The following GALNT17 variants were observed in gnomAD, a reference collection of about 807,000 sequenced individuals.
The protein encoded by GALNT17 is UDP-GalNAc:polypeptide N-acetylgalactosaminyltransferase-like 3.
In GALNT17, 29 loss-of-function variants were observed where a neutral mutation model predicts 63.7. The observed-to-expected ratio is 0.46, with a 90% CI of 0.34 to 0.62. The LOEUF is 0.62. Among genes scored for constraint, GALNT17 ranks in the 20% least tolerant of loss-of-function variants. The pLI is 0.01. For missense variants in GALNT17, 603 were observed against 799.6 expected, an observed-to-expected ratio of 0.75 and a Z score of 2.97; for synonymous variants, 305 against 318.3, an observed-to-expected ratio of 0.96 and a Z score of 0.45.
intron 9 of GALNT17, among the ~76,000 whole-genome samples, chr7:71,689,404 G>T (rs1159459882): frequency 6.6e-6 from 1 of 152,180 alleles, no homozygotes; most frequent in Admixed American, 6.5e-5. Context: ...TGCTAAGAAA[G>T]CAAAACAGCC....
intron 9 of GALNT17, 32 bp downstream of exon 9, chr7:71,677,338 A>G (rs1215061020): frequency 6.3e-6 from 10 of 1,599,848 alleles, no homozygotes; most frequent in Middle Eastern, 1.7e-4. Context: ...GGAAGGAAGT[A>G]ATATCACCAT....
At chr7:71,621,553 A>AGATGGATG (rs71089967) in intron 6 of GALNT17, among the ~76,000 whole-genome samples, 26,297 of 142,830 alleles carry the variant, frequency 0.18, 3,067 homozygotes, top group East Asian at 0.32. Context: ...ATTGATGGAT[A>AGATGGATG]GATGGATGGA....
chr7:71,233,149 C>T (rs1331760215), intron 1 of GALNT17, among the ~76,000 whole-genome samples: 3 of 152,196 alleles, frequency 2.0e-5, no homozygotes, highest in African/African-American at 7.2e-5. Flanking sequence ...TGGTGGCTCT[C>T]TGCCCCACAC....
At chr7:71,328,100 G>T (rs942619928) in intron 1 of GALNT17, among the ~76,000 whole-genome samples, 1 of 152,150 alleles carries the variant, frequency 6.6e-6, no homozygotes, top group Non-Finnish European at 1.5e-5. Context: ...AAGCATGAAG[G>T]ATATTTGATA....
intron 3 of GALNT17, among the ~76,000 whole-genome samples, chr7:71,404,338 G>A (rs775634265): frequency 3.9e-5 from 6 of 151,984 alleles, no homozygotes; most frequent in Non-Finnish European, 7.4e-5. Context: ...TTTTCTTTTC[G>A]TCTTTTGCTT....
At chr7:71,486,881 A>G (rs962996017) in intron 5 of GALNT17, among the ~76,000 whole-genome samples, 2 of 151,938 alleles carry the variant, frequency 1.3e-5, no homozygotes, top group African/African-American at 4.8e-5. Flanking sequence ...AAACAAAAAA[A>G]AACGCACTTC....
chr7:71,421,744 G>A (rs941274536), intron 5 of GALNT17, among the ~76,000 whole-genome samples: 1 of 152,190 alleles, frequency 6.6e-6, no homozygotes, highest in African/African-American at 2.4e-5. Context: ...GAAGTCAGGA[G>A]TTCGAGATCA....
chr7:71,278,671 C>T lies in GALNT17; in HGVS notation c.239-56879C>T, dbSNP rs1432953327. On this transcript the variant is annotated intron_variant, in intron 1 of 10. Transcript: ENST00000333538. ...GGGGAAGCAAACACATCCTTCTTCACGTGGTGGCAGGAAGGAGAAGTGCTG... is the reference window on the plus strand; with the variant it reads ...GGGGAAGCAAACACATCCTTCTTCATGTGGTGGCAGGAAGGAGAAGTGCTG... Among the ~76,000 whole-genome samples, 4 of 152,080 alleles carry T rather than the reference C, an allele frequency of 2.6e-5. No homozygotes were observed. The East Asian group carries it at 7.7e-4, about 29-fold the overall frequency.
At chr7:71,541,237 T>A (rs1455562588) in intron 5 of GALNT17, among the ~76,000 whole-genome samples, 2 of 61,272 alleles carry the variant, frequency 3.3e-5, no homozygotes, top group Non-Finnish European at 7.0e-5. Flanking sequence ...AGCGAGACAC[T>A]GTCTCAAAAA....
chr7:71,582,587 G>GA (rs939810693), intron 6 of GALNT17, among the ~76,000 whole-genome samples: 88 of 150,884 alleles, frequency 5.8e-4, no homozygotes, highest in South Asian at 1.9e-3. Context: ...CTCAAAAAAA[G>GA]AAAAAAAAGA....
chr7:71,366,332 C>G (rs994388021), intron 2 of GALNT17, among the ~76,000 whole-genome samples: 1 of 152,174 alleles, frequency 6.6e-6, no homozygotes, highest in African/African-American at 2.4e-5. Context: ...ACACCTGTAC[C>G]AGCACTTTGG....
chr7:71,710,891 T>G lies in GALNT17; in HGVS notation c.1631T>G (p.Val544Gly). 1 of 1,613,842 alleles carries G rather than the reference T, an allele frequency of 6.2e-7. No individual in the cohort carries two copies. Among genetic ancestry groups the G allele is most frequent in the Non-Finnish European group, 8.5e-7 (1 of 1,180,000 alleles). The stretch of plus-strand genomic sequence containing the variant: ...CCCCAGCTCCTGGACTGCGACAAGG[T>G]CAAGAGCAGCCTGTACAAGCGCTGG... ...RLPQLLDCDKVKSSLYKRWNF... is the reference protein window; with the variant it reads ...RLPQLLDCDKGKSSLYKRWNF... The change falls in exon 10 of 11, where the codon GTC (valine) becomes GGC (glycine). Residue 544 changes from valine (V) to glycine (G), a missense_variant. Around this residue, in one of 3 missense-constraint regions of GALNT17, gnomAD observed 72 missense variants for 76.9 expected, o/e 0.94. Coordinates refer to ENST00000333538, the MANE Select transcript of GALNT17 (RefSeq NM_022479.3).
chr7:71,526,755 C>G (rs1788631597), intron 5 of GALNT17, among the ~76,000 whole-genome samples: 1 of 152,062 alleles, frequency 6.6e-6, no homozygotes, highest in South Asian at 2.1e-4. Flanking sequence ...CCTGTGTGAT[C>G]CACCTGCCTT....
chr7:71,291,985 GTT>G (rs1790987622), intron 1 of GALNT17, among the ~76,000 whole-genome samples: 1 of 151,948 alleles, frequency 6.6e-6, no homozygotes, highest in African/African-American at 2.4e-5. Context: ...ATTTTTCATG[GTT>G]TAATAATAAA....
chr7:71,488,323 G>T (rs1183476349), intron 5 of GALNT17, among the ~76,000 whole-genome samples: 1 of 152,106 alleles, frequency 6.6e-6, no homozygotes, highest in African/African-American at 2.4e-5. Flanking sequence ...AGAGAGCAAG[G>T]CCCAGCATCC....
At chr7:71,680,519 TCTCC>T (rs1562734198) in intron 9 of GALNT17, among the ~76,000 whole-genome samples, 6 of 25,212 alleles carry the variant, frequency 2.4e-4, no homozygotes, top group Non-Finnish European at 3.9e-4. Context: ...TCCCTCCCTC[TCTCC>T]CTTCCTCCCT....
chr7:71,238,375 A>T (rs1281242253), intron 1 of GALNT17, among the ~76,000 whole-genome samples: 1 of 152,136 alleles, frequency 6.6e-6, no homozygotes, highest in Non-Finnish European at 1.5e-5. Flanking sequence ...TTATTTATTT[A>T]GAGAGACATG....
intron 5 of GALNT17, among the ~76,000 whole-genome samples, chr7:71,566,387 C>T (rs1421175319): frequency 6.6e-6 from 1 of 152,160 alleles, no homozygotes; most frequent in Non-Finnish European, 1.5e-5. Context: ...GTCTTCACTA[C>T]ACACTCTTGT....
chr7:71,503,815 G>C (rs1233782985), intron 5 of GALNT17, among the ~76,000 whole-genome samples: 1 of 152,098 alleles, frequency 6.6e-6, no homozygotes, highest in Non-Finnish European at 1.5e-5. Flanking sequence ...GTTAATAAGG[G>C]CTGGGCACCG....
Sources: gnomAD v4.1 joint callset for allele counts (sites outside exome capture counted in the v4.1 genomes callset) on GRCh38, gnomAD v4.1.1 for gene constraint, gnomAD v4.1.1 regional missense constraint, MANE v1.5 for transcripts, NCBI Gene and HGNC (gene_info 2026-07-23, HGNC 2026-07-21) for gene names.